STPG2: variants seen among roughly 807,000 people sequenced by gnomAD.
STPG2 encodes sperm-tail PG-rich repeat-containing protein 2.
Under a neutral mutation model 54.2 loss-of-function variants are expected in STPG2, and 56 were observed. The observed-to-expected ratio is 1.03, with a 90% confidence interval of 0.83 to 1.29. The LOEUF is 1.29. Among genes scored for constraint, STPG2 ranks in the 50% most tolerant of loss-of-function variants. STPG2 has a pLI of 0.00. For missense variants in STPG2, 596 were observed against 544.9 expected (o/e 1.09, Z -0.93); for synonymous variants, 200 against 181.8 (o/e 1.10, Z -0.81).
chr4:97,906,338 C>G (rs557193892), intron 8 of STPG2, among the ~76,000 whole-genome samples: 99 of 152,258 alleles, frequency 6.5e-4, no homozygotes, highest in Non-Finnish European at 1.3e-3. Context: ...TCTCTGAATA[C>G]ACCAATAAAA....
At position 97,909,734 on chromosome 4, in the gene STPG2, A is replaced by G. The variant is rs558879365; in HGVS notation, c.1044+34163T>C. 2.0e-5 allele frequency among the ~76,000 whole-genome samples: 3 copies of G among 152,332 alleles called. No homozygotes were observed. The East Asian group carries it at 5.8e-4, about 29-fold the overall frequency. On this transcript the variant is annotated intron_variant, in intron 8 of 10. Coordinates refer to ENST00000295268, the MANE Select transcript of STPG2 (RefSeq NM_174952.3). Reference sequence around the variant, plus strand: ...AATAGATTTGAAAAAATGCTTAATAAAATTTAGAATATATTCCTAATATAA... The same window carrying G: ...AATAGATTTGAAAAAATGCTTAATAGAATTTAGAATATATTCCTAATATAA...
chr4:98,104,721 A>T (rs1739140589), intron 5 of STPG2, among the ~76,000 whole-genome samples: 1 of 152,216 alleles, frequency 6.6e-6, no homozygotes, highest in Non-Finnish European at 1.5e-5. Flanking sequence ...GGGTAAGCTC[A>T]CATTTTTTAA....
intron 10 of STPG2, among the ~76,000 whole-genome samples, chr4:97,627,697 TAGA>T (rs1734169365): frequency 1.3e-5 from 2 of 152,298 alleles, no homozygotes; most frequent in East Asian, 3.9e-4. Context: ...TACAGATACA[TAGA>T]GAATTTTGGC....
intron 8 of STPG2, among the ~76,000 whole-genome samples, chr4:97,852,662 T>C (rs6845917): frequency 1.8e-3 from 271 of 152,154 alleles, no homozygotes; most frequent in African/African-American, 6.4e-3. Context: ...CAAAAACAAT[T>C]ATGTAGTTAT....
chr4:97,962,038 T>C (rs1394611030), intron 7 of STPG2, among the ~76,000 whole-genome samples: 1 of 152,180 alleles, frequency 6.6e-6, no homozygotes, highest in Admixed American at 6.6e-5. Context: ...TAAAAAGGAA[T>C]GAATTAATGG....
At chr4:97,684,235 A>G (rs1160848104) in intron 10 of STPG2, among the ~76,000 whole-genome samples, 3 of 151,972 alleles carry the variant, frequency 2.0e-5, no homozygotes, top group Non-Finnish European at 4.4e-5. Flanking sequence ...GGTGGATATC[A>G]ATAAACATTC....
In STPG2 at chr4:97,878,091, C is replaced by T. The variant is rs146061198; in HGVS notation, c.1045-37159G>A. ...TGATCTCCTTTGACTCCATGTTTCA[C>T]ATCCAGGTCACACTGATGCAAGAGG... On this transcript the variant is annotated intron_variant, in intron 8 of 10. Coordinates refer to ENST00000295268, the MANE Select transcript of STPG2 (RefSeq NM_174952.3). Among the ~76,000 whole-genome samples, 1,310 of 152,340 alleles carry T rather than the reference C, an allele frequency of 8.6e-3. 16 individuals are homozygous for T. Among genetic ancestry groups the T allele is most frequent in the African/African-American group, 0.03 (1,249 of 41,586 alleles).
chr4:97,506,358 G>A (rs115045838), intron 4 of STPG2, among the ~76,000 whole-genome samples: 3,889 of 151,940 alleles, frequency 0.026, 85 homozygotes, highest in Middle Eastern at 0.034. Context: ...GGGACATGGA[G>A]GTTTAGATTG....
intron 9 of STPG2, among the ~76,000 whole-genome samples, chr4:97,762,364 G>A (rs1349194216): frequency 1.3e-5 from 2 of 152,086 alleles, no homozygotes; most frequent in Non-Finnish European, 2.9e-5. Flanking sequence ...ATCTTTACGG[G>A]AACATTAGAC....
intron 3 of STPG2, among the ~76,000 whole-genome samples, chr4:98,123,517 T>G (rs531578434): frequency 2.0e-5 from 3 of 152,306 alleles, no homozygotes; most frequent in Admixed American, 6.5e-5. Context: ...TTTTTAAATC[T>G]TTAGTTCTAT....
At chr4:97,645,490 C>CTGCAACTT (rs1721886944) in intron 10 of STPG2, among the ~76,000 whole-genome samples, 1 of 152,100 alleles carries the variant, frequency 6.6e-6, no homozygotes, top group African/African-American at 2.4e-5. Context: ...AATACTGTAT[C>CTGCAACTT]CAGAATCTTA....
chr4:98,085,323 C>T (rs975588491), intron 5 of STPG2, among the ~76,000 whole-genome samples: 2 of 152,060 alleles, frequency 1.3e-5, no homozygotes, highest in African/African-American at 2.4e-5. Context: ...AACACACTAT[C>T]TTGATTACCT....
At chr4:97,519,754 A>T (rs866681153) in intron 4 of STPG2, among the ~76,000 whole-genome samples, 2 of 151,994 alleles carry the variant, frequency 1.3e-5, no homozygotes, top group Middle Eastern at 3.4e-3. Context: ...TGGGAACTAG[A>T]TTATTTCAGA....
intron 10 of STPG2, among the ~76,000 whole-genome samples, chr4:97,641,279 T>C (rs995260830): frequency 4.6e-5 from 7 of 151,674 alleles, no homozygotes; most frequent in African/African-American, 1.7e-4. Context: ...AGTTAGACTG[T>C]AAAATTTAAA....
At chr4:97,855,999 T>C (rs72881473) in intron 8 of STPG2, among the ~76,000 whole-genome samples, 4,432 of 152,042 alleles carry the variant, frequency 0.029, 219 homozygotes, top group African/African-American at 0.1. Flanking sequence ...TACTTCTGAG[T>C]TCTCTATTCT....
chr4:97,765,656 T>C (rs1726023084), intron 9 of STPG2, among the ~76,000 whole-genome samples: 1 of 152,158 alleles, frequency 6.6e-6, no homozygotes, highest in Non-Finnish European at 1.5e-5. Context: ...AGAATAAATA[T>C]TGTTGTAACC....
chr4:97,879,260 T>A (rs1730288923), intron 8 of STPG2, among the ~76,000 whole-genome samples: 1 of 152,216 alleles, frequency 6.6e-6, no homozygotes, highest in African/African-American at 2.4e-5. Flanking sequence ...GTTACCCAGT[T>A]CCAAAGTTGC....
chr4:97,679,749 T>A (rs1311327917), intron 10 of STPG2, among the ~76,000 whole-genome samples: 1 of 152,252 alleles, frequency 6.6e-6, no homozygotes, highest in South Asian at 2.1e-4. Context: ...CTAGGGTTTT[T>A]ATGGTTTTAG....
At chr4:98,127,778 T>G (rs1739869946) in intron 3 of STPG2, among the ~76,000 whole-genome samples, 1 of 152,200 alleles carries the variant, frequency 6.6e-6, no homozygotes, top group African/African-American at 2.4e-5. Flanking sequence ...AAACTCTGGA[T>G]GAAATGAATT....
Sources: allele counts gnomAD v4.1 joint callset (sites outside exome capture counted in the v4.1 genomes callset), GRCh38; gene constraint gnomAD v4.1.1; transcripts MANE v1.5; gene names NCBI Gene and HGNC (gene_info 2026-07-23, HGNC 2026-07-21).